Variants in RALGAPA1 observed in about 807,000 individuals in gnomAD.
RALGAPA1 encodes ral GTPase-activating protein subunit alpha-1.
Under a neutral mutation model 269.6 loss-of-function variants are expected in RALGAPA1, and 52 were observed. That is an observed-to-expected ratio of 0.19 (90% CI 0.15 to 0.24). RALGAPA1 has a LOEUF of 0.24. RALGAPA1 is among the 10% of genes least tolerant of loss of function. The pLI is 1.00. For synonymous variants in RALGAPA1, 817 were observed against 1,008.3 expected (o/e 0.81, Z 3.60); for missense variants, 1,917 against 3,013.9 (o/e 0.64, Z 8.52).
chr14:35,577,571 C>G (rs2057660434), intron 37 of RALGAPA1, among the ~76,000 whole-genome samples: 1 of 152,116 alleles, frequency 6.6e-6, no homozygotes, highest in Admixed American at 6.6e-5. Context: ...GGTTTATAAG[C>G]CATTCAGTCT....
intron 36 of RALGAPA1, among the ~76,000 whole-genome samples, chr14:35,600,232 C>CTTTTCTTTTTT (rs768432859): frequency 1.2e-5 from 1 of 86,948 alleles, no homozygotes; most frequent in African/African-American, 4.4e-5. Flanking sequence ...TTCTTTTTTT[C>CTTTTCTTTTTT]TTTTTTTTTT....
chr14:35,738,576 A>G lies in RALGAPA1; in HGVS notation c.1524T>C (p.Leu508=). The change falls in exon 12 of 42, where the codon CTT becomes CTC. Residue 508 remains leucine, a synonymous_variant. Coordinates refer to ENST00000680220, the MANE Select transcript of RALGAPA1 (RefSeq NM_001346249.2). ...CTGTGGCTTCTTCAGAGGCGTTATG[A>G]AGAGCACCTTGGTAGGAGCCGTTTT... ...WAKNGSYQGA[L]HNASEEATEQ... is the part of the protein sequence containing the mutation. The G allele has an allele frequency of 6.2e-7, 1 of 1,613,722 alleles. No homozygotes were observed.
intron 9 of RALGAPA1, among the ~76,000 whole-genome samples, chr14:35,749,749 G>T (rs1284969607): frequency 6.6e-6 from 1 of 151,900 alleles, no homozygotes; most frequent in African/African-American, 2.4e-5. Context: ...AAACTAAGAG[G>T]AATAAAAGTC....
At chr14:35,735,035 TA>T (rs143414634) in intron 12 of RALGAPA1, among the ~76,000 whole-genome samples, 38,423 of 135,062 alleles carry the variant, frequency 0.28, 6,125 homozygotes, top group African/African-American at 0.48. Flanking sequence ...GCCATAATAA[TA>T]AAAAAAAAAA....
chr14:35,792,393 G>A (rs1362439162), intron 1 of RALGAPA1, among the ~76,000 whole-genome samples: 3 of 150,996 alleles, frequency 2.0e-5, no homozygotes, highest in East Asian at 2.0e-4. Flanking sequence ...CTGACCTCAA[G>A]CGATCCACCC....
At chr14:35,550,258 A>G (rs1410341556) in intron 39 of RALGAPA1, among the ~76,000 whole-genome samples, 1 of 152,190 alleles carries the variant, frequency 6.6e-6, no homozygotes, top group Non-Finnish European at 1.5e-5. Context: ...CTGAACTGAG[A>G]AATCAGTTAA....
At position 35,549,254 on chromosome 14, in the gene RALGAPA1, G is replaced by T. The variant is rs557392664; in HGVS notation, c.7497-20C>A. The T allele has an allele frequency of 1.9e-6, 3 of 1,607,642 alleles. No individual in the cohort carries two copies. The African/African-American group carries it at 4.0e-5, about 22-fold the overall frequency. ...TCATAGCTGATTTCCTTTGGTTAAG[G>T]ATAAACTTAAGTGCAGCTTATACTG... On this transcript the variant is annotated intron_variant, in intron 39 of 41. Coordinates refer to ENST00000680220, the MANE Select transcript of RALGAPA1 (RefSeq NM_001346249.2).
At chr14:35,756,472 C>T (rs138313582) in intron 7 of RALGAPA1, 231 of 158,564 alleles carry the variant, frequency 1.5e-3, no homozygotes, top group Non-Finnish European at 1.8e-3. Flanking sequence ...GGAAAAAACA[C>T]GAAGAGGGAA....
chr14:35,744,296 G>A (rs1246728672), intron 10 of RALGAPA1, among the ~76,000 whole-genome samples: 22 of 149,878 alleles, frequency 1.5e-4, no homozygotes, highest in Admixed American at 1.3e-3. Context: ...GCTTGAACCC[G>A]AGAGATGGAA....
intron 12 of RALGAPA1, among the ~76,000 whole-genome samples, chr14:35,730,996 C>T (rs1303603398): frequency 6.6e-6 from 1 of 152,240 alleles, no homozygotes; most frequent in African/African-American, 2.4e-5. Flanking sequence ...CCTGCTGCCA[C>T]CTCCACTAGA....
chr14:35,651,839 C>A lies in RALGAPA1; in HGVS notation c.5642G>T (p.Ser1881Ile). The A allele has an allele frequency of 6.2e-7, 1 of 1,606,028 alleles. No individual in the cohort carries two copies. The highest frequency in any genetic ancestry group is 1.1e-5 in the South Asian group (1 of 88,874). Residue 1881 changes from serine (S) to isoleucine (I), a missense_variant, in exon 31 of 42, where the codon AGT becomes ATT. By Grantham distance (142) the Ser-to-Ile change is moderately radical (BLOSUM62 -2). Transcript: ENST00000680220. ...CATTTCATAAGATGAAGCCTCTGTA[C>A]TTGGTAAAAGATGGGTGATGGTAGC... ...LIATITHLLP[S>I]TEASSYEMDK...
At chr14:35,561,087 C>T (rs1218608784) in intron 39 of RALGAPA1, among the ~76,000 whole-genome samples, 3 of 151,666 alleles carry the variant, frequency 2.0e-5, no homozygotes, top group African/African-American at 4.8e-5. Flanking sequence ...ATTAGCTGGG[C>T]GTGGTGGCAG....
chr14:35,753,912 C>A (rs1408943582), intron 7 of RALGAPA1, among the ~76,000 whole-genome samples: 1 of 152,076 alleles, frequency 6.6e-6, no homozygotes, highest in South Asian at 2.1e-4. Flanking sequence ...CAAAAGCCTT[C>A]AATGGATCCT....
intron 37 of RALGAPA1, among the ~76,000 whole-genome samples, chr14:35,580,194 A>G (rs2057864840): frequency 6.6e-6 from 1 of 152,170 alleles, no homozygotes; most frequent in Admixed American, 6.5e-5. Context: ...TAGACTAGAG[A>G]GTTCAACTAA....
Position 35,654,828 on chromosome 14 carries a change from T to C in RALGAPA1, c.5497-351A>G, listed in dbSNP as rs563566941. ...TCCAAATTAATCTTCTATAGCACTG[T>C]TATGATCCTGACATTATGCTTAAAA... On this transcript the variant is annotated intron_variant, in intron 29 of 41. Transcript: ENST00000680220. Among the ~76,000 whole-genome samples the C allele has an allele frequency of 5.9e-5, 9 of 152,326 alleles. No individual in the cohort carries two copies. The East Asian group carries it at 1.7e-3, about 29-fold the overall frequency.
rs1042116548 is a variant in RALGAPA1, at chr14:35,765,729, C to T, written c.326-2976G>A. 12 of 344,004 alleles carry T rather than the reference C, an allele frequency of 3.5e-5. 1 individual carries two copies. Among genetic ancestry groups the T allele is most frequent in the South Asian group, 1.2e-4 (4 of 33,114 alleles). The allele number at this position is 344,004 out of a possible 1,614,324, so 21.3% of individuals were successfully genotyped here. On this transcript the variant is annotated intron_variant, in intron 4 of 41. Coordinates refer to ENST00000680220, the MANE Select transcript of RALGAPA1 (RefSeq NM_001346249.2). ...CAGGCTGGTCTCAAACTCCTGGGCT[C>T]AGGTGATCCACCCACCTTGGCCTCT... is the stretch of plus-strand genomic sequence containing the variant.
At chr14:35,735,906 G>C (rs79111861) in intron 12 of RALGAPA1, among the ~76,000 whole-genome samples, 2 of 152,222 alleles carry the variant, frequency 1.3e-5, no homozygotes, top group Admixed American at 1.3e-4. Flanking sequence ...ACTCTGAGGA[G>C]CAATGATGGC....
chr14:35,645,683 T>C (rs1021516624), intron 31 of RALGAPA1, among the ~76,000 whole-genome samples: 4 of 145,022 alleles, frequency 2.8e-5, no homozygotes, highest in Admixed American at 7.1e-5. Context: ...TGAGCCGAGA[T>C]CGCGCCGGGG....
intron 13 of RALGAPA1, among the ~76,000 whole-genome samples, chr14:35,728,016 TTCAG>T (rs2070125673): frequency 6.6e-6 from 1 of 152,312 alleles, no homozygotes; most frequent in South Asian, 2.1e-4. Flanking sequence ...CATTCACATA[TTCAG>T]TCAATCATCA....
Sources: allele counts gnomAD v4.1 joint callset (sites outside exome capture counted in the v4.1 genomes callset), GRCh38; gene constraint gnomAD v4.1.1; transcripts MANE v1.5; gene names NCBI Gene and HGNC (gene_info 2026-07-23, HGNC 2026-07-21).